Variants in STK25 observed in about 807,000 individuals in gnomAD.
The protein encoded by STK25 is serine/threonine kinase 25, also known as serine/threonine-protein kinase 25.
STK25 carries 29 observed loss-of-function variants against 53.8 expected under a neutral mutation model. The ratio of observed to expected loss-of-function variants is 0.54; its 90% CI spans 0.40 to 0.74. The LOEUF is 0.74. Ranked by LOEUF, STK25 falls within the 30% of genes least tolerant of loss-of-function variation. The probability of loss-of-function intolerance (pLI) is 0.00; values close to 1 mark genes in which losing one functional copy is unlikely to be tolerated. For missense variants in STK25, 420 were observed against 568.0 expected, an observed-to-expected ratio of 0.74 and a Z score of 2.65; for synonymous variants, 247 against 238.3, an observed-to-expected ratio of 1.04 and a Z score of -0.33.
chr2:241,499,533 C>A, intron 5 of STK25, 119 bp from the exon 6 acceptor site: 1 of 1,327,694 alleles, frequency 7.5e-7, no homozygotes, highest in Non-Finnish European at 1.0e-6. Context: ...GGGCTGTCCT[C>A]AGGACCTCAG....
At chr2:241,508,224 C>T in intron 1 of STK25, 89 bp from the exon 2 acceptor site, 1 of 1,331,730 alleles carries the variant, frequency 7.5e-7, no homozygotes, top group Non-Finnish European at 9.6e-7. Context: ...GGGGGGGGGC[C>T]CAGGAGACCC....
At chr2:241,497,591 G>A in intron 10 of STK25, 25 bp downstream of exon 10, 1 of 1,611,120 alleles carries the variant, frequency 6.2e-7, no homozygotes, top group Non-Finnish European at 8.5e-7. Flanking sequence ...CGGGACTCCA[G>A]GCCCAGTCCC....
chr2:241,493,025 A>T lies in STK25; in HGVS notation c.*2637T>A. ...TACCAACTTCTGTTTGTTCTTCTAC[A>T]AAACTCATCAGGTACTGGAGTTTCA... is the stretch of plus-strand genomic sequence containing the variant. On this transcript the variant is annotated 3_prime_UTR_variant, in exon 12 of 12. Coordinates refer to ENST00000316586, the MANE Select transcript of STK25 (RefSeq NM_001271977.2). 1 of 1,586,978 alleles carries T rather than the reference A, an allele frequency of 6.3e-7. No individual in the cohort carries two copies. The highest frequency in any genetic ancestry group is 1.7e-5 in the Admixed American group (1 of 59,998).
chr2:241,507,893 C>G, intron 2 of STK25, 113 bp downstream of exon 2: 3 of 1,132,574 alleles, frequency 2.6e-6, no homozygotes, highest in Non-Finnish European at 3.8e-6. Context: ...GACGCGCGCT[C>G]CTTCCCTCAC....
intron 2 of STK25, chr2:241,504,050 C>CGGCA (rs1222101601): frequency 6.4e-6 from 3 of 471,092 alleles, no homozygotes; most frequent in African/African-American, 2.0e-5. Flanking sequence ...TGAAACATGC[C>CGGCA]GCTGCACATC....
intron 2 of STK25, among the ~76,000 whole-genome samples, chr2:241,502,966 A>G (rs999721958): frequency 1.3e-5 from 2 of 152,210 alleles, no homozygotes; most frequent in Non-Finnish European, 2.9e-5. Context: ...AGCAATGCCT[A>G]AAAGTTTCTG....
chr2:241,498,207 G>C (rs2065287803), intron 9 of STK25, 28 bp downstream of exon 9: 1 of 1,597,626 alleles, frequency 6.3e-7, no homozygotes, highest in Non-Finnish European at 8.6e-7. Flanking sequence ...GGGGTGCACA[G>C]AGGGCAAAGG....
At chr2:241,505,859 CCT>C (rs1397860037) in intron 2 of STK25, among the ~76,000 whole-genome samples, 1 of 152,082 alleles carries the variant, frequency 6.6e-6, no homozygotes, top group Non-Finnish European at 1.5e-5. Flanking sequence ...GGCTGCGAAT[CCT>C]CTTTTGGATG....
At position 241,494,097 on chromosome 2, in the gene STK25, AG is replaced by A; in HGVS notation, c.*1564del. The A allele has an allele frequency of 6.8e-7, 1 of 1,472,316 alleles. No individual in the cohort carries two copies. Among genetic ancestry groups the A allele is most frequent in the Non-Finnish European group, 8.9e-7 (1 of 1,119,866 alleles). 91.2% of individuals were successfully genotyped at this position (1,472,316 alleles called of 1,614,324 possible). ...GGCCCCCAACCCTCCTCAGGGCTGGAGGGGATGGTCAGGGGGAAGGAGGAAT... is the reference window on the plus strand; with the variant it reads ...GGCCCCCAACCCTCCTCAGGGCTGGAGGGATGGTCAGGGGGAAGGAGGAAT... On this transcript the variant is annotated 3_prime_UTR_variant, in exon 12 of 12. Transcript: ENST00000316586. The surrounding 1 kb of genome is among the most constrained non-coding windows in gnomAD (Gnocchi z 4.9).
At chr2:241,498,472 G>A (rs1168234941) in intron 8 of STK25, 123 bp from the exon 9 acceptor site, 3 of 1,250,422 alleles carry the variant, frequency 2.4e-6, no homozygotes, top group African/African-American at 1.5e-5. Context: ...CAGGCCACGG[G>A]GTCCAGCTGA....
In STK25 at chr2:241,492,785, AGCT is replaced by A. The variant is rs954530402; in HGVS notation, c.*2874_*2876del. The A allele has an allele frequency of 1.0e-5, 6 of 591,678 alleles. No individual in the cohort carries two copies. The highest frequency in any genetic ancestry group is 6.0e-5 in the Admixed American group (2 of 33,600). The allele number at this position is 591,678 out of a possible 1,614,324, so 36.7% of individuals were successfully genotyped here. ...TTCTGTTGGACTTAAGTACTGATAA[AGCT>A]GCTGTTCATAGCAGTCCAGAGGTAA... On this transcript the variant is annotated 3_prime_UTR_variant, in exon 12 of 12. Transcript: ENST00000316586.
At chr2:241,499,709 C>A in intron 5 of STK25, 1 of 519,792 alleles carries the variant, frequency 1.9e-6, no homozygotes, top group South Asian at 2.1e-5. Context: ...GCAGAGGTGA[C>A]CCTGACCAAG....
intron 11 of STK25, 82 bp from the exon 12 acceptor site, chr2:241,495,783 G>A (rs1386294255): frequency 4.0e-6 from 6 of 1,497,140 alleles, no homozygotes; most frequent in Non-Finnish European, 5.6e-6. Context: ...GCAGTCTGCG[G>A]TGGCAGCCCT....
intron 2 of STK25, among the ~76,000 whole-genome samples, chr2:241,506,851 G>A (rs146122411): frequency 3.9e-4 from 60 of 152,342 alleles, no homozygotes; most frequent in African/African-American, 1.3e-3. Context: ...GATACAGAAT[G>A]CCAAAAGCAA....
intron 5 of STK25, chr2:241,499,943 T>C (rs2065406404): frequency 1.6e-6 from 1 of 633,712 alleles, no homozygotes. Context: ...AGTGTGGCCC[T>C]TTCCTACACT....
chr2:241,504,073 C>G (rs923189099), intron 2 of STK25: 4 of 471,222 alleles, frequency 8.5e-6, no homozygotes, highest in Admixed American at 4.7e-5. Context: ...TTTTTGAGTG[C>G]CAGACCTCGA....
At chr2:241,508,320 C>G in intron 1 of STK25, 123 bp downstream of exon 1, 1 of 1,232,092 alleles carries the variant, frequency 8.1e-7, no homozygotes, top group African/African-American at 1.6e-5. Flanking sequence ...GCCCCCACCT[C>G]TTCCAAGGCA....
rs988015320 is a variant in STK25, at chr2:241,501,247, C to T, written c.261+231G>A. ...GGGCCCCCCAGAGTGCTCCTAGCAG[C>T]GCCCTCACTGCATTACCACAGGCAG... On this transcript the variant is annotated intron_variant, in intron 3 of 11. Coordinates refer to ENST00000316586, the MANE Select transcript of STK25 (RefSeq NM_001271977.2). The surrounding 1 kb of genome is among the most constrained non-coding windows in gnomAD (Gnocchi z 5.3). 1.0e-5 allele frequency: 6 copies of T among 602,204 alleles called. No individual in the cohort carries two copies. The highest frequency in any genetic ancestry group is 1.8e-5 in the Non-Finnish European group (6 of 333,198). The allele number at this position is 602,204 out of a possible 1,614,324, so 37.3% of individuals were successfully genotyped here. A position where few individuals can be genotyped will look rare whatever the true frequency, so the allele number is the denominator to read the frequency against.
rs1004169846 is a variant in STK25, at chr2:241,493,577, C to T, written c.*2085G>A. On this transcript the variant is annotated 3_prime_UTR_variant, in exon 12 of 12. Coordinates refer to ENST00000316586, the MANE Select transcript of STK25 (RefSeq NM_001271977.2). ...GGGCTGAGCAATGCTTCCAGCATTTCCAAAAAACAGCAATGCTTTGTTTTT... is the reference window on the plus strand; with the variant it reads ...GGGCTGAGCAATGCTTCCAGCATTTTCAAAAAACAGCAATGCTTTGTTTTT... The T allele has an allele frequency of 5.3e-6, 4 of 759,416 alleles. No individual in the cohort carries two copies. The highest frequency in any genetic ancestry group is 8.6e-6 in the Non-Finnish European group (4 of 467,608). 47.0% of individuals were successfully genotyped at this position (759,416 alleles called of 1,614,324 possible). A position where few individuals can be genotyped will look rare whatever the true frequency, so the allele number is the denominator to read the frequency against.
Sources: gnomAD v4.1 joint callset for allele counts (sites outside exome capture counted in the v4.1 genomes callset) on GRCh38, gnomAD v4.1.1 for gene constraint, Gnocchi (gnomAD v3.1) non-coding constraint, MANE v1.5 for transcripts, NCBI Gene and HGNC (gene_info 2026-07-23, HGNC 2026-07-21) for gene names.